Variants in USP48 observed in about 807,000 individuals in gnomAD.
USP48 encodes ubiquitin carboxyl-terminal hydrolase 48.
A neutral mutation model predicts 150.7 loss-of-function variants in USP48; 43 were observed. The observed-to-expected ratio is 0.29, with a 90% CI of 0.22 to 0.37. USP48 has a LOEUF of 0.37. Among genes scored for constraint, USP48 ranks in the 10% least tolerant of loss-of-function variants. USP48 has a pLI of 1.00. For synonymous variants in USP48, 396 were observed against 425.9 expected, an observed-to-expected ratio of 0.93 and a Z score of 0.86; for missense variants, 813 against 1,249.6, an observed-to-expected ratio of 0.65 and a Z score of 5.27.
intron 9 of USP48, 66 bp from the exon 10 acceptor site, chr1:21,729,898 G>T (rs1571886658): frequency 1.2e-6 from 2 of 1,600,194 alleles, no homozygotes; most frequent in Admixed American, 3.4e-5. Flanking sequence ...CTTTAGCGGG[G>T]CTATAGAAAA....
At chr1:21,758,755 AAATGAATG>A (rs71569846) in intron 1 of USP48, among the ~76,000 whole-genome samples, 119,330 of 149,826 alleles carry the variant, frequency 0.8, 48,408 homozygotes, top group Admixed American at 0.88. Flanking sequence ...GTCTTGGAAA[AAATGAATG>A]AATGAATGAA....
At chr1:21,689,455 A>G (rs937577293) in intron 24 of USP48, among the ~76,000 whole-genome samples, 7 of 152,164 alleles carry the variant, frequency 4.6e-5, no homozygotes, top group South Asian at 2.1e-4. Flanking sequence ...CCACAACCCA[A>G]TATCACTCCC....
chr1:21,685,375 G>A (rs1265241063), intron 25 of USP48, among the ~76,000 whole-genome samples: 1 of 149,200 alleles, frequency 6.7e-6, no homozygotes, highest in Non-Finnish European at 1.5e-5. Context: ...GCTAGAGAGT[G>A]CAGTGCTGCG....
intron 22 of USP48, among the ~76,000 whole-genome samples, chr1:21,700,538 T>A (rs1235361478): frequency 6.6e-6 from 1 of 152,196 alleles, no homozygotes. Flanking sequence ...GTCACAGATA[T>A]TGCAGATGGC....
intron 1 of USP48, chr1:21,768,706 A>C: frequency 8.6e-6 from 1 of 116,650 alleles, no homozygotes; most frequent in East Asian, 2.9e-4. Flanking sequence ...CTCAGTCACC[A>C]TCTTCTCCTC....
chr1:21,697,316 A>C (rs2152508240), intron 22 of USP48, among the ~76,000 whole-genome samples: 1 of 152,132 alleles, frequency 6.6e-6, no homozygotes, highest in South Asian at 2.1e-4. Context: ...TGAGTTAAAA[A>C]GAAAAAAAAA....
chr1:21,778,520 T>C (rs184327975), intron 1 of USP48, among the ~76,000 whole-genome samples: 1 of 141,014 alleles, frequency 7.1e-6, no homozygotes, highest in East Asian at 2.2e-4. Flanking sequence ...CAGTCCCAGC[T>C]ACCAGGGAAG....
intron 5 of USP48, 29 bp from the exon 6 acceptor site, chr1:21,751,644 G>A (rs1026653599): frequency 3.9e-6 from 6 of 1,558,194 alleles, no homozygotes; most frequent in South Asian, 1.1e-5. Context: ...ACAAAATTCA[G>A]ATCAGAGTGT....
At chr1:21,705,670 T>G (rs1000922419) in intron 19 of USP48, 57 bp downstream of exon 19, 19 of 1,260,260 alleles carry the variant, frequency 1.5e-5, no homozygotes, top group Non-Finnish European at 2.0e-5. Flanking sequence ...ACATATTTTA[T>G]TAATCATCAA....
intron 8 of USP48, among the ~76,000 whole-genome samples, chr1:21,741,102 C>A (rs920943451): frequency 1.3e-5 from 2 of 152,132 alleles, no homozygotes; most frequent in African/African-American, 4.8e-5. Flanking sequence ...TTTTCAGATG[C>A]CCTAGGTGAG....
intron 22 of USP48, among the ~76,000 whole-genome samples, chr1:21,696,110 T>C (rs1359409187): frequency 6.6e-6 from 1 of 152,070 alleles, no homozygotes; most frequent in Admixed American, 6.6e-5. Context: ...CATGGAACAA[T>C]CTAAAAGAAA....
At chr1:21,748,621 A>G (rs1032192543) in intron 6 of USP48, among the ~76,000 whole-genome samples, 1 of 152,268 alleles carries the variant, frequency 6.6e-6, no homozygotes, top group Non-Finnish European at 1.5e-5. Flanking sequence ...ATTTAAAGAC[A>G]GCAAAAAGGC....
chr1:21,763,638 A>C (rs1024251237), intron 1 of USP48, among the ~76,000 whole-genome samples: 1 of 152,148 alleles, frequency 6.6e-6, no homozygotes, highest in African/African-American at 2.4e-5. Context: ...ACATAGAGAA[A>C]CCTCGTCTCT....
chr1:21,715,587 A>T (rs915364802), intron 14 of USP48, 130 bp from the exon 15 acceptor site: 20 of 490,492 alleles, frequency 4.1e-5, no homozygotes, highest in Non-Finnish European at 6.5e-5. Context: ...GACCCATGTG[A>T]TTCCTACACA....
At chr1:21,739,245 C>T (rs1017318265) in intron 8 of USP48, among the ~76,000 whole-genome samples, 3 of 151,840 alleles carry the variant, frequency 2.0e-5, no homozygotes, top group Admixed American at 6.6e-5. Flanking sequence ...ACAGGCTGGG[C>T]GCAGTGGCTC....
intron 1 of USP48, among the ~76,000 whole-genome samples, chr1:21,764,296 A>C (rs1268183129): frequency 6.6e-6 from 1 of 152,076 alleles, no homozygotes; most frequent in African/African-American, 2.4e-5. Flanking sequence ...AAAATTAGCC[A>C]GGTGTGGTGG....
At position 21,721,624 on chromosome 1, in the gene USP48, T is replaced by C. The variant is rs375098626; in HGVS notation, c.1763+26A>G. The stretch of plus-strand genomic sequence containing the variant: ...CTCTTGAAAACTTCTTAGTTTATCA[T>C]TAACAATGTACACTGTGCAACATAC... On this transcript the variant is annotated intron_variant, in intron 13 of 26. Transcript: ENST00000308271. 116 of 1,402,534 alleles carry C rather than the reference T, an allele frequency of 8.3e-5. 2 individuals carry two copies. Among genetic ancestry groups the C allele is most frequent in the South Asian group, 7.1e-4 (50 of 70,672 alleles). The allele number at this position is 1,402,534 out of a possible 1,614,324, so 86.9% of individuals were successfully genotyped here.
At chr1:21,701,158 A>T (rs1393104262) in intron 22 of USP48, among the ~76,000 whole-genome samples, 3 of 150,892 alleles carry the variant, frequency 2.0e-5, no homozygotes. Flanking sequence ...CGAGGTCAGG[A>T]GTTCGAGACC....
rs1394510521 is a variant in USP48, at chr1:21,687,357, A to G, written c.3010-118T>C. ...AAGACACAAACACACTGTCCAGTAG[A>G]TAACTCAGTTTCAGCCACAGCCAGC... On this transcript the variant is annotated intron_variant, in intron 24 of 26. Coordinates refer to ENST00000308271, the MANE Select transcript of USP48 (RefSeq NM_032236.8). 4.1e-6 allele frequency: 4 copies of G among 968,040 alleles called. No homozygotes were observed. In the African/African-American group the frequency reaches 6.5e-5, roughly 16 times the overall value. 60.0% of individuals were successfully genotyped at this position (968,040 alleles called of 1,614,324 possible). A position where few individuals can be genotyped will look rare whatever the true frequency, so the allele number is the denominator to read the frequency against.
Sources: gnomAD v4.1 joint callset for allele counts (sites outside exome capture counted in the v4.1 genomes callset) on GRCh38, gnomAD v4.1.1 for gene constraint, MANE v1.5 for transcripts, NCBI Gene and HGNC (gene_info 2026-07-23, HGNC 2026-07-21) for gene names.